ERICH6: variants seen among roughly 807,000 people sequenced by gnomAD.
ERICH6 encodes the protein glutamate-rich protein 6.
Under a neutral mutation model 71.0 loss-of-function variants are expected in ERICH6, and 71 were observed. The observed-to-expected ratio is 1.00, with a 90% CI of 0.83 to 1.22. ERICH6 has a LOEUF of 1.22. Among genes scored for constraint, ERICH6 ranks in the 50% most tolerant of loss-of-function variants. ERICH6 has a pLI of 0.00. For missense variants in ERICH6, 808 were observed against 797.2 expected (o/e 1.01, Z -0.16); for synonymous variants, 262 against 278.4 (o/e 0.94, Z 0.59).
At chr3:150,696,500 G>A (rs750210635) in intron 3 of ERICH6, among the ~76,000 whole-genome samples, 3 of 152,016 alleles carry the variant, frequency 2.0e-5, no homozygotes, top group Non-Finnish European at 2.9e-5. Flanking sequence ...AAGACAAACT[G>A]GGAGGAGCAA....
At chr3:150,694,930 A>T (rs889002191) in intron 3 of ERICH6, among the ~76,000 whole-genome samples, 5 of 152,166 alleles carry the variant, frequency 3.3e-5, no homozygotes, top group African/African-American at 1.2e-4. Flanking sequence ...GGTGTCTGGT[A>T]AGTGCCCATT....
intron 10 of ERICH6, among the ~76,000 whole-genome samples, chr3:150,677,863 A>G (rs76172272): frequency 0.068 from 10,292 of 152,268 alleles, 436 homozygotes; most frequent in Non-Finnish European, 0.093. Flanking sequence ...TACAATTATA[A>G]GTATGTTAAC....
intron 3 of ERICH6, among the ~76,000 whole-genome samples, chr3:150,698,576 T>C (rs962867163): frequency 2.6e-5 from 4 of 152,238 alleles, no homozygotes; most frequent in Non-Finnish European, 5.9e-5. Flanking sequence ...TATTTAATCT[T>C]ATTTTGATCT....
intron 3 of ERICH6, among the ~76,000 whole-genome samples, chr3:150,688,865 T>G (rs1712303374): frequency 6.6e-6 from 1 of 152,202 alleles, no homozygotes. Context: ...AACCAAACTG[T>G]GCTCTGACCA....
At chr3:150,701,956 C>T (rs1712887472) in intron 2 of ERICH6, among the ~76,000 whole-genome samples, 165 bp downstream of exon 2, 1 of 152,016 alleles carries the variant, frequency 6.6e-6, no homozygotes, top group African/African-American at 2.4e-5. Context: ...AAGTGGGAAC[C>T]TTTATCTCTT....
Position 150,675,858 on chromosome 3 carries a change from CTT to C in ERICH6, c.1258-1819_1258-1818del, listed in dbSNP as rs75713453. Among the ~76,000 whole-genome samples the C allele has an allele frequency of 2.8e-3, 371 of 130,880 alleles. 1 individual carries two copies. Among genetic ancestry groups the C allele is most frequent in the Middle Eastern group, 0.012 (3 of 248 alleles). 85.9% of individuals were successfully genotyped at this position (130,880 alleles called of 152,430 possible). ...CTTCTAATAATTCTTTCTTTCTTTC[CTT>C]TTTTTTTTTTTTGGTCTTTGGTTTT... On this transcript the variant is annotated intron_variant, in intron 10 of 13. Coordinates refer to ENST00000295910, the MANE Select transcript of ERICH6 (RefSeq NM_152394.5).
chr3:150,672,497 C>T (rs186586136), intron 11 of ERICH6, among the ~76,000 whole-genome samples: 5 of 151,380 alleles, frequency 3.3e-5, no homozygotes, highest in African/African-American at 4.9e-5. Flanking sequence ...ACTCGGGAGG[C>T]TGAGGCAGGA....
intron 12 of ERICH6, among the ~76,000 whole-genome samples, chr3:150,668,895 T>G (rs1195487585): frequency 6.6e-6 from 1 of 152,190 alleles, no homozygotes; most frequent in Non-Finnish European, 1.5e-5. Context: ...AATAACAACA[T>G]AGTGTATCAA....
intron 11 of ERICH6, 140 bp downstream of exon 11, chr3:150,673,816 A>T: frequency 1.5e-6 from 1 of 671,096 alleles, no homozygotes; most frequent in Non-Finnish European, 2.5e-6. Flanking sequence ...TCTGAGCTCA[A>T]GTGATCTGCC....
chr3:150,662,863 A>G lies in ERICH6; in HGVS notation c.1729-2708T>C, dbSNP rs1361792628. 2.0e-5 allele frequency among the ~76,000 whole-genome samples: 3 copies of G among 152,192 alleles called. No individual in the cohort carries two copies. In the East Asian group the frequency reaches 5.8e-4, roughly 29 times the overall value. ...AAGTGAGGGAACAGCCACATGCTAA[A>G]TGGGGATAAAACATTTTAGGTTGAG... On this transcript the variant is annotated intron_variant, in intron 13 of 13. Coordinates refer to ENST00000295910, the MANE Select transcript of ERICH6 (RefSeq NM_152394.5).
In ERICH6 at chr3:150,703,722, C is replaced by T. The variant is rs1286459254; in HGVS notation, c.177G>A (p.Glu59=). ...EEEEEEVVEE[E]LVGEEQELEA... The stretch of plus-strand genomic sequence containing the variant: ...CCAACTCCTGCTCTTCCCCCACCAA[C>T]TCCTCCTCCACCACCTCCTCCTCCT... Residue 59 remains glutamate (E), a synonymous_variant, in exon 1 of 14, where the codon GAG becomes GAA. Coordinates refer to ENST00000295910, the MANE Select transcript of ERICH6 (RefSeq NM_152394.5). 1 of 1,605,178 alleles carries T rather than the reference C, an allele frequency of 6.2e-7. No individual in the cohort carries two copies. The highest frequency in any genetic ancestry group is 1.1e-5 in the South Asian group (1 of 89,424).
At chr3:150,663,259 G>A (rs1727286951) in intron 13 of ERICH6, among the ~76,000 whole-genome samples, 1 of 152,192 alleles carries the variant, frequency 6.6e-6, no homozygotes, top group South Asian at 2.1e-4. Context: ...TGGAAAATGT[G>A]AGAAGTGTGA....
In ERICH6 at chr3:150,682,227, T is replaced by C; in HGVS notation, c.873A>G (p.Pro291=). The part of the protein sequence containing the change: ...FFSNVDVSSE[P]KGHASCCIAF... ...CTGACTTAGAACTTACATGCCCTTT[T>C]GGTTCAGAGGAAACATCCACATTAG... Residue 291 remains proline (P), a synonymous_variant, in exon 7 of 14, where the codon CCA becomes CCG. Coordinates refer to ENST00000295910, the MANE Select transcript of ERICH6 (RefSeq NM_152394.5). 1 of 1,613,724 alleles carries C rather than the reference T, an allele frequency of 6.2e-7. No homozygotes were observed. The highest frequency in any genetic ancestry group is 8.5e-7 in the Non-Finnish European group (1 of 1,179,790).
chr3:150,674,504 T>A (rs536337450), intron 10 of ERICH6, among the ~76,000 whole-genome samples: 18 of 152,318 alleles, frequency 1.2e-4, no homozygotes, highest in African/African-American at 3.8e-4. Flanking sequence ...AGATCTTAAT[T>A]TCTGGTAGAA....
Position 150,680,886 on chromosome 3 carries a change from A to G in ERICH6, c.927T>C (p.Tyr309=). The G allele has an allele frequency of 1.2e-6, 2 of 1,613,494 alleles. No individual in the cohort carries two copies. The highest frequency in any genetic ancestry group is 1.7e-6 in the Non-Finnish European group (2 of 1,179,866). ...GGGGTTTGGTTTTTATTTGCTCCTC[A>G]TAGATATAGTCAATCAGATTTTGGA... ...IAFQNLIDYI[Y]EEQIKTKPPK... is the part of the protein sequence containing the mutation. The change falls in exon 8 of 14, where the codon TAT becomes TAC. Residue 309 remains tyrosine, a synonymous_variant. Coordinates refer to ENST00000295910, the MANE Select transcript of ERICH6 (RefSeq NM_152394.5).
chr3:150,667,096 A>G, intron 12 of ERICH6, 81 bp from the exon 13 acceptor site: 1 of 1,336,432 alleles, frequency 7.5e-7, no homozygotes, highest in Admixed American at 1.9e-5. Context: ...CTTGCTAACC[A>G]AGGGGAGTAA....
At chr3:150,676,050 C>T (rs1486759199) in intron 10 of ERICH6, among the ~76,000 whole-genome samples, 2 of 151,244 alleles carry the variant, frequency 1.3e-5, no homozygotes, top group Admixed American at 1.3e-4. Context: ...TTTTTCTCTT[C>T]TTCTGGGATT....
intron 11 of ERICH6, among the ~76,000 whole-genome samples, chr3:150,672,203 A>G (rs1203899058): frequency 6.7e-6 from 1 of 148,970 alleles, no homozygotes; most frequent in Non-Finnish European, 1.5e-5. Context: ...ACATTATTGT[A>G]TAATTTCATT....
chr3:150,700,419 C>T (rs1434583981), intron 2 of ERICH6, among the ~76,000 whole-genome samples: 3 of 151,284 alleles, frequency 2.0e-5, no homozygotes, highest in African/African-American at 4.9e-5. Flanking sequence ...TTTGACTATC[C>T]GTGAGACCTA....
Sources: gnomAD v4.1 joint callset for allele counts (sites outside exome capture counted in the v4.1 genomes callset) on GRCh38, gnomAD v4.1.1 for gene constraint, MANE v1.5 for transcripts, NCBI Gene and HGNC (gene_info 2026-07-23, HGNC 2026-07-21) for gene names.